The following APOL5 variants were observed in gnomAD, a reference collection of about 807,000 sequenced individuals.
The protein encoded by APOL5 is apolipoprotein L, 5.
A neutral mutation model predicts 35.5 loss-of-function variants in APOL5; 29 were observed. That is an observed-to-expected ratio of 0.82 (90% CI 0.61 to 1.11). APOL5 has a LOEUF of 1.11. Ranked by LOEUF, APOL5 falls within the 50% of genes most tolerant of loss-of-function variation. The pLI, the probability that APOL5 is intolerant of heterozygous loss-of-function variation, is 0.00. For synonymous variants in APOL5, 188 were observed against 200.2 expected, an observed-to-expected ratio of 0.94 and a Z score of 0.51; for missense variants, 514 against 530.4, an observed-to-expected ratio of 0.97 and a Z score of 0.30.
chr22:35,710,731 C>T, the APOL5 span, among the ~76,000 whole-genome samples: 10 of 152,220 alleles, frequency 6.6e-5, no homozygotes, highest in Middle Eastern at 3.4e-3. Context: ...CTGGCAACCA[C>T]GACTCTGCTC....
At chr22:35,710,602 A>C in the APOL5 span, among the ~76,000 whole-genome samples, 8 of 152,182 alleles carry the variant, frequency 5.3e-5, no homozygotes, top group Admixed American at 1.3e-4. Context: ...CAGTGGCATT[A>C]GGTATATTCA....
chr22:35,709,537 A>G, the APOL5 span, among the ~76,000 whole-genome samples: 2 of 152,124 alleles, frequency 1.3e-5, no homozygotes, highest in East Asian at 1.9e-4. Flanking sequence ...ACTTCATTAC[A>G]TTTTCCCTGC....
intron 2 of APOL5, among the ~76,000 whole-genome samples, chr22:35,722,560 C>A (rs1927008181): frequency 6.6e-6 from 1 of 152,192 alleles, no homozygotes; most frequent in South Asian, 2.1e-4. Context: ...CTAGGCCTCC[C>A]AAAGTGCTGG....
intron 1 of APOL5, among the ~76,000 whole-genome samples, chr22:35,718,812 C>T (rs1392937678): frequency 6.6e-6 from 1 of 152,130 alleles, no homozygotes; most frequent in Non-Finnish European, 1.5e-5. Context: ...AATCCCAGCA[C>T]TTTGGGAGGC....
intron 2 of APOL5, 50 bp downstream of exon 2, chr22:35,720,704 C>T (rs1926941637): frequency 1.5e-6 from 2 of 1,318,462 alleles, no homozygotes; most frequent in East Asian, 4.6e-5. Context: ...TCCCAGCATC[C>T]AAAACAGTGT....
At chr22:35,713,773 C>T (rs1371686007), upstream of APOL5, among the ~76,000 whole-genome samples, 1 of 152,134 alleles carries the variant, frequency 6.6e-6, no homozygotes, top group Non-Finnish European at 1.5e-5. Context: ...TCTCTTGACC[C>T]CAGCTCACTG....
chr22:35,717,255 T>TATATATATATATATA (rs1167745529), upstream of APOL5, among the ~76,000 whole-genome samples: 12 of 123,114 alleles, frequency 9.7e-5, no homozygotes, highest in East Asian at 8.7e-4. Flanking sequence ...TATATATATA[T>TATATATATATATATA]TAGCTGGGTG....
upstream of APOL5, among the ~76,000 whole-genome samples, chr22:35,716,918 G>A (rs117696654): frequency 8.1e-5 from 12 of 149,056 alleles, no homozygotes; most frequent in South Asian, 2.1e-4. Flanking sequence ...AACAGTCCCC[G>A]GCATGGATTT....
rs532000835 is a variant in APOL5 at position 35,726,529 on chromosome 22, T to C, written c.461T>C (p.Leu154Pro). Residue 154 changes from leucine (L) to proline (P), a missense_variant, in exon 3 of 5, where the codon CTG (leucine) becomes CCG (proline). Coordinates refer to ENST00000249044, the MANE Select transcript of APOL5 (RefSeq NM_030642.1). ...SGAVSGVMNI[L>P]GLALAPVTAG... ...GCTGTTTCTGGGGTCATGAACATCC[T>C]GGGTTTGGCCCTAGCACCTGTGACA... 2 of 1,614,194 alleles carry C rather than the reference T, an allele frequency of 1.2e-6. No homozygotes were observed. Among genetic ancestry groups the C allele is most frequent in the Non-Finnish European group, 1.7e-6 (2 of 1,180,036 alleles).
intron 2 of APOL5, among the ~76,000 whole-genome samples, chr22:35,724,656 T>G (rs984064872): frequency 6.6e-6 from 1 of 152,156 alleles, no homozygotes; most frequent in African/African-American, 2.4e-5. Flanking sequence ...TTGCCCAGGC[T>G]GGAGTGCTAT....
At chr22:35,725,315 G>C (rs1927110690) in intron 2 of APOL5, among the ~76,000 whole-genome samples, 1 of 152,050 alleles carries the variant, frequency 6.6e-6, no homozygotes, top group Non-Finnish European at 1.5e-5. Context: ...ACCCAGGCCG[G>C]AGTGCAGTGG....
chr22:35,719,851 G>A (rs995281679), intron 1 of APOL5, among the ~76,000 whole-genome samples: 1 of 152,216 alleles, frequency 6.6e-6, no homozygotes, highest in African/African-American at 2.4e-5. Flanking sequence ...TGGATCACAC[G>A]TGGGCTTGGA....
the APOL5 span, among the ~76,000 whole-genome samples, chr22:35,710,642 C>G: frequency 6.6e-6 from 1 of 152,080 alleles, no homozygotes; most frequent in Non-Finnish European, 1.5e-5. Flanking sequence ...CCACCAACAT[C>G]CACAGAACTC....
the APOL5 span, among the ~76,000 whole-genome samples, chr22:35,711,648 C>CCTTCCTTCCTTCCT: frequency 0.012 from 245 of 19,948 alleles, 1 homozygote; most frequent in African/African-American, 0.06. Context: ...CCTTCCTTCC[C>CCTTCCTTCCTTCCT]TCCCTCCCTC....
At chr22:35,711,599 T>TTTCCTTCCTTCC in the APOL5 span, among the ~76,000 whole-genome samples, 12,661 of 77,450 alleles carry the variant, frequency 0.16, 1,418 homozygotes, top group African/African-American at 0.18. Context: ...TCACCATGTT[T>TTTCCTTCCTTCC]TTCCTTCCTT....
upstream of APOL5, among the ~76,000 whole-genome samples, chr22:35,713,475 C>T (rs1167101756): frequency 6.6e-6 from 1 of 152,202 alleles, no homozygotes; most frequent in Non-Finnish European, 1.5e-5. Flanking sequence ...CAGCTCCAGC[C>T]TCAGTGCTCT....
intron 2 of APOL5, among the ~76,000 whole-genome samples, chr22:35,723,905 C>T (rs562173619): frequency 2.6e-5 from 4 of 152,242 alleles, no homozygotes; most frequent in South Asian, 2.1e-4. Context: ...TGCAGTGAGC[C>T]GAGATCGCGC....
At position 35,725,626 on chromosome 22, in the gene APOL5, G is replaced by T. The variant is rs115792686; in HGVS notation, c.143-585G>T. 4.8e-3 allele frequency among the ~76,000 whole-genome samples: 724 copies of T among 152,204 alleles called. 4 individuals carry two copies. The highest frequency in any genetic ancestry group is 0.017 in the Middle Eastern group (5 of 294). ...GGAGTGAGGAGTACTGATCGCTGGG[G>T]TTGAAGCTGAAATCATAGGATGTCG... On this transcript the variant is annotated intron_variant, in intron 2 of 4. Transcript: ENST00000249044.
chr22:35,725,960 T>A (rs1927138384), intron 2 of APOL5, among the ~76,000 whole-genome samples: 1 of 152,184 alleles, frequency 6.6e-6, no homozygotes, highest in Admixed American at 6.5e-5. Context: ...AGGGCTGTTA[T>A]CATCTTTGTT....
Sources: allele counts gnomAD v4.1 joint callset (sites outside exome capture counted in the v4.1 genomes callset), GRCh38; gene constraint gnomAD v4.1.1; transcripts MANE v1.5; gene names NCBI Gene and HGNC (gene_info 2026-07-23, HGNC 2026-07-21).